Variants in SHOC1 observed in about 807,000 individuals in gnomAD.
SHOC1 encodes the protein protein shortage in chiasmata 1 ortholog.
SHOC1 carries 136 observed loss-of-function variants against 179.2 expected under a neutral mutation model. That is an observed-to-expected ratio of 0.76 (90% CI 0.66 to 0.87). The LOEUF (loss-of-function observed/expected upper bound fraction) is 0.87, where lower values mean the gene tolerates loss of function less well. SHOC1 is among the 40% of genes least tolerant of loss of function. SHOC1 has a pLI of 0.00. For synonymous variants in SHOC1, 489 were observed against 586.6 expected (o/e 0.83, Z 2.41); for missense variants, 1,538 against 1,700.8 (o/e 0.90, Z 1.68).
chr9:111,716,593 G>A (rs938432125), intron 16 of SHOC1, among the ~76,000 whole-genome samples: 7 of 151,968 alleles, frequency 4.6e-5, no homozygotes, highest in African/African-American at 1.7e-4. Flanking sequence ...GTTTCACCAT[G>A]TTGGCCAGGC....
intron 12 of SHOC1, among the ~76,000 whole-genome samples, chr9:111,731,356 T>C (rs1398073389): frequency 6.6e-6 from 1 of 152,166 alleles, no homozygotes; most frequent in East Asian, 1.9e-4. Flanking sequence ...ATTTAATCAT[T>C]TCTAGCCTTT....
chr9:111,730,992 T>C (rs1249678408), intron 12 of SHOC1, among the ~76,000 whole-genome samples: 2 of 152,256 alleles, frequency 1.3e-5, no homozygotes, highest in African/African-American at 4.8e-5. Flanking sequence ...CTTGTACTTT[T>C]ATGTTACGGA....
At chr9:111,699,191 G>T (rs1330710932) in intron 24 of SHOC1, among the ~76,000 whole-genome samples, 1 of 152,064 alleles carries the variant, frequency 6.6e-6, no homozygotes, top group African/African-American at 2.4e-5. Flanking sequence ...CTGAATTTAG[G>T]CCTAGAAGAA....
At chr9:111,699,840 T>C (rs1831877442) in intron 24 of SHOC1, 114 bp downstream of exon 24, 1 of 584,170 alleles carries the variant, frequency 1.7e-6, no homozygotes, top group Non-Finnish European at 3.0e-6. Context: ...TATTTAGCTT[T>C]TAAACAGTTT....
intron 5 of SHOC1, chr9:111,759,293 G>T: frequency 6.2e-7 from 1 of 1,609,796 alleles, no homozygotes. Context: ...TGACATGTAG[G>T]GAATGGAGAT....
chr9:111,705,097 A>C (rs1468758762), intron 21 of SHOC1, 150 bp downstream of exon 21: 1 of 390,000 alleles, frequency 2.6e-6, no homozygotes, highest in Middle Eastern at 7.0e-4. Flanking sequence ...CTTTTGTGAT[A>C]TAATTCCAGG....
At chr9:111,706,534 A>G in intron 20 of SHOC1, 34 bp downstream of exon 20, 1 of 1,430,616 alleles carries the variant, frequency 7.0e-7, no homozygotes, top group Non-Finnish European at 9.3e-7. Flanking sequence ...TCATTCTAAT[A>G]AAGCAAAAAA....
Position 111,706,763 on chromosome 9 carries a change from G to A in SHOC1, c.2559-17C>T. On this transcript the variant is annotated splice_polypyrimidine_tract_variant and intron_variant, in intron 19 of 27. Coordinates refer to ENST00000682961, the MANE Select transcript of SHOC1 (RefSeq NM_001378211.1). ...GAACTTGTACTAAAGACAAAAGAGA[G>A]CCAAGAAAATGGCATTATACTTGTG... The A allele has an allele frequency of 1.3e-6, 2 of 1,538,478 alleles. No individual in the cohort carries two copies. Among genetic ancestry groups the A allele is most frequent in the Non-Finnish European group, 1.8e-6 (2 of 1,142,658 alleles).
In SHOC1 at chr9:111,714,605, T is replaced by G. The variant is rs1432027472; in HGVS notation, c.2255A>C (p.Lys752Thr). 3 of 1,611,054 alleles carry G rather than the reference T, an allele frequency of 1.9e-6. No individual in the cohort carries two copies. The African/African-American group carries it at 4.0e-5, about 22-fold the overall frequency. Reference sequence around the variant, plus strand: ...GCCTAAAATGCTGTTGTAGATATCTTTTGCCTTCGACAAATATCCTATTGA... The same window carrying G: ...GCCTAAAATGCTGTTGTAGATATCTGTTGCCTTCGACAAATATCCTATTGA... The part of the protein sequence containing the change: ...DTALGYLSKA[K>T]DIYNSILGPY... Residue 752 changes from lysine (K) to threonine (T), a missense_variant, in exon 17 of 28, where the codon AAA (lysine) becomes ACA (threonine). Physicochemically the swap from Lys to Thr is moderately conservative, Grantham distance 78. Coordinates refer to ENST00000682961, the MANE Select transcript of SHOC1 (RefSeq NM_001378211.1).
chr9:111,704,074 T>G, intron 21 of SHOC1, 82 bp from the exon 22 acceptor site: 1 of 621,946 alleles, frequency 1.6e-6, no homozygotes, highest in South Asian at 2.3e-5. Context: ...CTCCTGCATG[T>G]TAAGTTATTT....
intron 16 of SHOC1, among the ~76,000 whole-genome samples, chr9:111,716,406 T>C (rs1021583351): frequency 4.4e-5 from 5 of 112,708 alleles, no homozygotes; most frequent in Non-Finnish European, 9.1e-5. Context: ...TTTTTTTTTT[T>C]TGAGACGGAG....
chr9:111,687,737 C>T (rs181341476), intron 27 of SHOC1, among the ~76,000 whole-genome samples: 43 of 147,742 alleles, frequency 2.9e-4, no homozygotes, highest in Admixed American at 4.8e-4. Flanking sequence ...ACAATTCTGT[C>T]CGGTTTTTCT....
intron 12 of SHOC1, among the ~76,000 whole-genome samples, chr9:111,728,508 T>C (rs1833414763): frequency 6.6e-6 from 1 of 152,164 alleles, no homozygotes; most frequent in South Asian, 2.1e-4. Context: ...ACTTGAACAA[T>C]AGTTCACATA....
Position 111,758,173 on chromosome 9 carries a change from T to C in SHOC1, c.619A>G (p.Thr207Ala), listed in dbSNP as rs1486020895. The C allele has an allele frequency of 6.3e-7, 1 of 1,576,754 alleles. No homozygotes were observed. The highest frequency in any genetic ancestry group is 1.2e-5 in the South Asian group (1 of 82,496). ...FSRECFSLQE[T>A]LEAFVKEDFC... ...TCTTCTTTCACAAAAGCTTCCAAAG[T>C]TTCTTGAAGAGAGAAACATTCCCTT... The change falls in exon 7 of 28, where the codon ACT (threonine) becomes GCT (alanine). Residue 207 changes from threonine to alanine, a missense_variant. Transcript: ENST00000682961.
chr9:111,731,240 T>A (rs934776699), intron 12 of SHOC1, among the ~76,000 whole-genome samples: 3 of 152,206 alleles, frequency 2.0e-5, no homozygotes, highest in Admixed American at 6.5e-5. Flanking sequence ...AAAGTAGCAC[T>A]TTTAATTTCC....
intron 20 of SHOC1, 55 bp downstream of exon 20, chr9:111,706,513 A>T: frequency 7.6e-7 from 1 of 1,319,380 alleles, no homozygotes; most frequent in African/African-American, 1.5e-5. Context: ...TAAACAAAAA[A>T]TAGAAAATTT....
chr9:111,705,338 C>G lies in SHOC1; in HGVS notation c.2764G>C (p.Gly922Arg). 2 of 1,572,370 alleles carry G rather than the reference C, an allele frequency of 1.3e-6. No individual in the cohort carries two copies. The highest frequency in any genetic ancestry group is 1.7e-6 in the Non-Finnish European group (2 of 1,159,250). Residue 922 changes from glycine to arginine, a missense_variant, in exon 21 of 28, where the codon GGT (glycine) becomes CGT (arginine). Physicochemically the swap from Gly to Arg is moderately radical, Grantham distance 125. Coordinates refer to ENST00000682961, the MANE Select transcript of SHOC1 (RefSeq NM_001378211.1). ...ERSTLLDRFG[G>R]FLLEIQIPYV... is the part of the protein sequence containing the mutation. ...GGAATCTGAATTTCCAAAAGAAAAC[C>G]TCCAAATCTATCCAGCAAGGTGCTT...
chr9:111,704,524 A>G (rs1832157058), intron 21 of SHOC1, among the ~76,000 whole-genome samples: 1 of 152,148 alleles, frequency 6.6e-6, no homozygotes, highest in Non-Finnish European at 1.5e-5. Flanking sequence ...CTGGTACTAC[A>G]GGTACATACC....
At chr9:111,718,440 A>G in intron 15 of SHOC1, 152 bp from the exon 16 acceptor site, 1 of 454,068 alleles carries the variant, frequency 2.2e-6, no homozygotes, top group South Asian at 4.6e-5. Flanking sequence ...CATTGAATCT[A>G]TAACAACAAT....
Sources: gnomAD v4.1 joint callset for allele counts (sites outside exome capture counted in the v4.1 genomes callset) on GRCh38, gnomAD v4.1.1 for gene constraint, MANE v1.5 for transcripts, NCBI Gene and HGNC (gene_info 2026-07-23, HGNC 2026-07-21) for gene names.